Variants in TSEN15 observed in about 807,000 individuals in gnomAD.
The protein encoded by TSEN15 is tRNA-splicing endonuclease subunit Sen15.
In TSEN15, 10 loss-of-function variants were observed where a neutral mutation model predicts 20.5. The observed-to-expected ratio is 0.49, with a 90% CI of 0.30 to 0.83. The LOEUF is 0.83. Ranked by LOEUF, TSEN15 falls within the 40% of genes least tolerant of loss-of-function variation. The probability of loss-of-function intolerance (pLI) is 0.06; values close to 1 mark genes in which losing one functional copy is unlikely to be tolerated. For synonymous variants in TSEN15, 72 were observed against 80.1 expected (o/e 0.90, Z 0.54); for missense variants, 180 against 218.6 (o/e 0.82, Z 1.11).
At chr1:184,057,459 C>A (rs944789278) in intron 3 of TSEN15, among the ~76,000 whole-genome samples, 25 of 152,154 alleles carry the variant, frequency 1.6e-4, no homozygotes, top group Non-Finnish European at 1.0e-4. Flanking sequence ...TGACTGAATA[C>A]ATAGCAGTCT....
At chr1:184,091,343 T>C (rs1651354622) in intron 3 of TSEN15, among the ~76,000 whole-genome samples, 1 of 152,040 alleles carries the variant, frequency 6.6e-6, no homozygotes, top group South Asian at 2.1e-4. Context: ...TGGTATAGTA[T>C]AGTACAGTAT....
At chr1:184,061,654 A>G (rs921682030) in intron 3 of TSEN15, among the ~76,000 whole-genome samples, 1 of 151,952 alleles carries the variant, frequency 6.6e-6, no homozygotes, top group African/African-American at 2.4e-5. Context: ...ATGTATATTT[A>G]TATGGTTTAT....
intron 3 of TSEN15, among the ~76,000 whole-genome samples, chr1:184,079,292 T>C (rs1030410816): frequency 1.3e-5 from 2 of 152,160 alleles, no homozygotes; most frequent in Non-Finnish European, 2.9e-5. Context: ...GGTTTCTGGG[T>C]ACTAAGGGGA....
intron 3 of TSEN15, among the ~76,000 whole-genome samples, chr1:184,061,539 G>A (rs1189735112): frequency 6.6e-6 from 1 of 152,098 alleles, no homozygotes; most frequent in African/African-American, 2.4e-5. Context: ...ACCAAACTCT[G>A]TCATTTACAT....
intron 3 of TSEN15, among the ~76,000 whole-genome samples, chr1:184,056,118 G>A (rs186240069): frequency 7.9e-5 from 12 of 152,124 alleles, no homozygotes; most frequent in African/African-American, 2.9e-4. Context: ...CCACTCCCTC[G>A]ATGATGGAGT....
intron 3 of TSEN15, 138 bp downstream of exon 3, chr1:184,055,001 A>G (rs911214732): frequency 2.1e-6 from 2 of 943,432 alleles, no homozygotes; most frequent in African/African-American, 3.3e-5. Flanking sequence ...GGAATAAGTT[A>G]AATATGAGTG....
At chr1:184,055,966 T>G (rs921476408) in intron 3 of TSEN15, among the ~76,000 whole-genome samples, 1 of 151,698 alleles carries the variant, frequency 6.6e-6, no homozygotes, top group Non-Finnish European at 1.5e-5. Context: ...TTTTAGATGT[T>G]TTTAACTTTA....
chr1:184,075,907 TA>T (rs529905600), downstream of TSEN15, among the ~76,000 whole-genome samples: 9,720 of 107,116 alleles, frequency 0.091, 323 homozygotes, highest in African/African-American at 0.12. Context: ...TATATATATA[TA>T]TATTTTTTTT....
At chr1:184,078,579 A>C (rs1327145), downstream of TSEN15, among the ~76,000 whole-genome samples, 113,390 of 151,928 alleles carry the variant, frequency 0.75, 42,707 homozygotes, top group African/African-American at 0.82. Flanking sequence ...TGTGCTGGGG[A>C]AGCTCAGTGG....
At chr1:184,063,606 A>T (rs1434164943) in intron 3 of TSEN15, among the ~76,000 whole-genome samples, 1 of 152,096 alleles carries the variant, frequency 6.6e-6, no homozygotes, top group African/African-American at 2.4e-5. Context: ...GAATCCGATG[A>T]ATTTTAGTTA....
intron 3 of TSEN15, 144 bp from the exon 4 acceptor site, chr1:184,072,013 G>A: frequency 1.4e-6 from 1 of 706,476 alleles, no homozygotes; most frequent in Non-Finnish European, 2.2e-6. Flanking sequence ...AGACTCTGAT[G>A]TTATTTTTTA....
intron 3 of TSEN15, among the ~76,000 whole-genome samples, chr1:184,082,212 G>A (rs1251521047): frequency 6.6e-6 from 1 of 152,070 alleles, no homozygotes; most frequent in Non-Finnish European, 1.5e-5. Context: ...AGTCCTTAGG[G>A]TTTCTCATCA....
intron 3 of TSEN15, among the ~76,000 whole-genome samples, chr1:184,085,766 A>G (rs1413751023): frequency 6.6e-6 from 1 of 152,200 alleles, no homozygotes; most frequent in Non-Finnish European, 1.5e-5. Flanking sequence ...CAGCTGGTCC[A>G]TGGACCACAT....
intron 3 of TSEN15, among the ~76,000 whole-genome samples, chr1:184,062,766 C>T (rs1313502862): frequency 6.6e-6 from 1 of 151,334 alleles, no homozygotes; most frequent in Non-Finnish European, 1.5e-5. Flanking sequence ...TTTTTTCCCC[C>T]TCATAGACCC....
intron 3 of TSEN15, among the ~76,000 whole-genome samples, chr1:184,086,974 TG>T (rs1376223217): frequency 6.6e-6 from 1 of 152,096 alleles, no homozygotes; most frequent in Non-Finnish European, 1.5e-5. Flanking sequence ...ACAGGTGGGA[TG>T]GGGTGTGATA....
intron 3 of TSEN15, among the ~76,000 whole-genome samples, chr1:184,082,658 G>C (rs1344982649): frequency 1.3e-5 from 2 of 152,090 alleles, no homozygotes; most frequent in African/African-American, 2.4e-5. Context: ...ACCAGTTCAA[G>C]GTTCTAACTC....
At chr1:184,069,653 T>C (rs1261669373) in intron 3 of TSEN15, among the ~76,000 whole-genome samples, 1 of 152,048 alleles carries the variant, frequency 6.6e-6, no homozygotes, top group Admixed American at 6.6e-5. Flanking sequence ...ACTGCTATTA[T>C]TAATAGATTG....
exon 4 of TSEN15, chr1:184,095,821 A>C: frequency 2.5e-6 from 1 of 398,478 alleles, no homozygotes; most frequent in Non-Finnish European, 4.4e-6. Flanking sequence ...GAACTGTGAG[A>C]AAATAAATTT....
intron 3 of TSEN15, among the ~76,000 whole-genome samples, chr1:184,065,440 G>A (rs932570563): frequency 6.6e-6 from 1 of 152,128 alleles, no homozygotes; most frequent in African/African-American, 2.4e-5. Flanking sequence ...TTTGACAAAT[G>A]CATAATGTCA....
Sources: gnomAD v4.1 joint callset for allele counts (sites outside exome capture counted in the v4.1 genomes callset) on GRCh38, gnomAD v4.1.1 for gene constraint, MANE v1.5 for transcripts, NCBI Gene and HGNC (gene_info 2026-07-23, HGNC 2026-07-21) for gene names.